Variants in AGBL4 observed in about 807,000 individuals in gnomAD.
AGBL4 encodes cytosolic carboxypeptidase 6.
AGBL4 carries 58 observed loss-of-function variants against 66.4 expected under a neutral mutation model. That is an observed-to-expected ratio of 0.87 (90% confidence interval 0.71 to 1.09). The LOEUF is 1.09. Among genes scored for constraint, AGBL4 ranks in the 50% least tolerant of loss-of-function variants. AGBL4 has a pLI of 0.00. For synonymous variants in AGBL4, 234 were observed against 222.9 expected, an observed-to-expected ratio of 1.05 and a Z score of -0.44; for missense variants, 579 against 631.0, an observed-to-expected ratio of 0.92 and a Z score of 0.88.
At chr1:49,033,582 GC>G (rs1571280405) in intron 5 of AGBL4, among the ~76,000 whole-genome samples, 1 of 152,094 alleles carries the variant, frequency 6.6e-6, no homozygotes, top group East Asian at 2.0e-4. Context: ...TGACTTTCCT[GC>G]CCACAAGGTC....
chr1:49,365,729 T>C (rs1644229722), intron 3 of AGBL4, among the ~76,000 whole-genome samples: 1 of 152,104 alleles, frequency 6.6e-6, no homozygotes, highest in South Asian at 2.1e-4. Flanking sequence ...AATTCCTTGA[T>C]GCAACTTTTT....
At chr1:49,334,687 G>C (rs149274656) in intron 3 of AGBL4, among the ~76,000 whole-genome samples, 356 of 152,232 alleles carry the variant, frequency 2.3e-3, no homozygotes, top group African/African-American at 8.0e-3. Flanking sequence ...GAATCATTAT[G>C]GTCACAAGTG....
chr1:49,104,174 A>G (rs1303663593), intron 4 of AGBL4, among the ~76,000 whole-genome samples: 4 of 152,050 alleles, frequency 2.6e-5, no homozygotes, highest in African/African-American at 4.8e-5. Flanking sequence ...CTAACCTCAA[A>G]TGGTTCCTCC....
chr1:49,810,114 A>G (rs1226250322), intron 2 of AGBL4, among the ~76,000 whole-genome samples: 1 of 152,148 alleles, frequency 6.6e-6, no homozygotes, highest in Non-Finnish European at 1.5e-5. Context: ...TCCTCCCTAT[A>G]AGGTAGGTGA....
downstream of AGBL4, among the ~76,000 whole-genome samples, chr1:48,531,214 T>C: frequency 6.6e-6 from 1 of 151,882 alleles, no homozygotes; most frequent in African/African-American, 2.4e-5. Flanking sequence ...TTTTTCTCTC[T>C]CTCTCTCTCT....
Position 49,578,203 on chromosome 1 carries a change from C to T in AGBL4, c.282+119110G>A, listed in dbSNP as rs557354073. On this transcript the variant is annotated intron_variant, in intron 3 of 13. Coordinates refer to ENST00000371839, the MANE Select transcript of AGBL4 (RefSeq NM_032785.4). ...GCAGTGTTGGCTGGGGTGGTTGACC[C>T]GGACTATCAAGATGAAATCAGTCTA... is the stretch of plus-strand genomic sequence containing the variant. Among the ~76,000 whole-genome samples the T allele has an allele frequency of 3.0e-4, 45 of 152,132 alleles. No homozygotes were observed. The South Asian group carries it at 7.1e-3, about 24-fold the overall frequency.
intron 5 of AGBL4, among the ~76,000 whole-genome samples, chr1:49,011,007 A>T (rs1204768300): frequency 6.6e-6 from 1 of 152,224 alleles, no homozygotes; most frequent in Non-Finnish European, 1.5e-5. Context: ...AAGCAATGGC[A>T]ACAAAAGACA....
intron 3 of AGBL4, among the ~76,000 whole-genome samples, chr1:49,439,214 C>T (rs1448673218): frequency 6.6e-6 from 1 of 152,068 alleles, no homozygotes; most frequent in Non-Finnish European, 1.5e-5. Context: ...CAAGGAAAGG[C>T]CAAGTGAATG....
intron 2 of AGBL4, among the ~76,000 whole-genome samples, chr1:49,749,397 G>A (rs1041157790): frequency 1.3e-5 from 2 of 151,748 alleles, no homozygotes; most frequent in East Asian, 1.9e-4. Flanking sequence ...TGTTGCAATA[G>A]AAGAAAAACA....
rs1645567427 is a variant in AGBL4, at chr1:49,118,045, G to C, written c.378-72245C>G. 2.0e-5 allele frequency among the ~76,000 whole-genome samples: 3 copies of C among 152,176 alleles called. No homozygotes were observed. The South Asian group carries it at 6.2e-4, about 32-fold the overall frequency. On this transcript the variant is annotated intron_variant, in intron 4 of 13. Coordinates refer to ENST00000371839, the MANE Select transcript of AGBL4 (RefSeq NM_032785.4). ...CTGTTATTGGTGTATAGGAATGCTT[G>C]TGATTTTTGCACATGGATTTTGTAT... is the stretch of plus-strand genomic sequence containing the variant.
chr1:48,624,545 G>A (rs1462968409), intron 9 of AGBL4, among the ~76,000 whole-genome samples: 1 of 152,204 alleles, frequency 6.6e-6, no homozygotes, highest in Non-Finnish European at 1.5e-5. Flanking sequence ...CAGCTCTGTG[G>A]GATGCCTGTA....
At chr1:48,548,426 C>A (rs1644198806) in intron 11 of AGBL4, among the ~76,000 whole-genome samples, 1 of 152,194 alleles carries the variant, frequency 6.6e-6, no homozygotes, top group South Asian at 2.1e-4. Context: ...CAATCCCAAA[C>A]TGGGGATAAT....
intron 3 of AGBL4, among the ~76,000 whole-genome samples, chr1:49,260,484 C>T (rs868203575): frequency 2.7e-3 from 411 of 152,036 alleles, no homozygotes; most frequent in Middle Eastern, 0.017. Flanking sequence ...ATATCACCAC[C>T]GATCCCACAA....
At chr1:48,931,104 C>A (rs77397963) in intron 5 of AGBL4, among the ~76,000 whole-genome samples, 1,561 of 152,238 alleles carry the variant, frequency 0.01, 27 homozygotes, top group African/African-American at 0.032. Flanking sequence ...GATTTTTACT[C>A]AAATATTTCT....
intron 4 of AGBL4, among the ~76,000 whole-genome samples, chr1:49,202,358 AC>A (rs1227694042): frequency 6.6e-6 from 1 of 152,162 alleles, no homozygotes. Context: ...GAGACCTCAC[AC>A]TTCCTGAGTG....
At chr1:49,509,702 G>C (rs1288993821) in intron 3 of AGBL4, among the ~76,000 whole-genome samples, 1 of 151,966 alleles carries the variant, frequency 6.6e-6, no homozygotes, top group Non-Finnish European at 1.5e-5. Flanking sequence ...TAGCTAAACT[G>C]CCTTAAATTG....
chr1:48,613,452 T>C (rs1197711085), intron 9 of AGBL4, among the ~76,000 whole-genome samples: 3 of 152,232 alleles, frequency 2.0e-5, no homozygotes, highest in Non-Finnish European at 4.4e-5. Context: ...TCATTGTTCC[T>C]AACTATTCTT....
At chr1:48,872,972 C>G (rs1052542806) in intron 5 of AGBL4, among the ~76,000 whole-genome samples, 4 of 152,162 alleles carry the variant, frequency 2.6e-5, no homozygotes, top group African/African-American at 9.7e-5. Context: ...ATCTCTGTGT[C>G]ACCTCAGGCT....
intron 2 of AGBL4, among the ~76,000 whole-genome samples, chr1:49,707,614 T>C (rs1242277165): frequency 6.6e-6 from 1 of 152,130 alleles, no homozygotes; most frequent in Non-Finnish European, 1.5e-5. Flanking sequence ...GCTGGTTATT[T>C]TGACTACTGG....
Sources: allele counts gnomAD v4.1 joint callset (sites outside exome capture counted in the v4.1 genomes callset), GRCh38; gene constraint gnomAD v4.1.1; transcripts MANE v1.5; gene names NCBI Gene and HGNC (gene_info 2026-07-23, HGNC 2026-07-21).